Variants in AVEN observed in about 807,000 individuals in gnomAD.
AVEN encodes apoptosis and caspase activation inhibitor.
AVEN carries 41 observed loss-of-function variants against 38.1 expected under a neutral mutation model. That is an observed-to-expected ratio of 1.08 (90% CI 0.84 to 1.40). AVEN has a LOEUF of 1.40. Ranked by LOEUF, AVEN falls within the 40% of genes most tolerant of loss-of-function variation. The probability of loss-of-function intolerance (pLI) is 0.00; values close to 1 mark genes in which losing one functional copy is unlikely to be tolerated. For synonymous variants in AVEN, 206 were observed against 171.8 expected (o/e 1.20, Z -1.56); for missense variants, 605 against 438.8 (o/e 1.38, Z -3.38).
intron 4 of AVEN, among the ~76,000 whole-genome samples, chr15:33,869,399 C>T (rs1252963107): frequency 6.6e-6 from 1 of 152,176 alleles, no homozygotes; most frequent in Non-Finnish European, 1.5e-5. Flanking sequence ...ACACTCACAA[C>T]CACTTCCTCT....
Position 33,867,812 on chromosome 15 carries a change from G to T in AVEN, c.656C>A (p.Thr219Asn). Residue 219 changes from threonine (T) to asparagine (N), a missense_variant, in exon 5 of 6, where the codon ACT becomes AAT. Transcript: ENST00000306730. ...CATCCCTAATCCCTTGCCATCATCAGTTCTCTTTGGTTTCACCTGAGGAAC... is the reference window on the plus strand; with the variant it reads ...CATCCCTAATCCCTTGCCATCATCATTTCTCTTTGGTTTCACCTGAGGAAC... Reference protein sequence around the residue: ...LEVPQVKPKRTDDGKGLGMQL... With the variant: ...LEVPQVKPKRNDDGKGLGMQL... The T allele has an allele frequency of 6.2e-7, 1 of 1,606,804 alleles. No individual in the cohort carries two copies. Among genetic ancestry groups the T allele is most frequent in the East Asian group, 2.2e-5 (1 of 44,844 alleles).
chr15:33,862,620 G>C (rs981445614), downstream of AVEN, among the ~76,000 whole-genome samples: 6 of 152,030 alleles, frequency 3.9e-5, no homozygotes, highest in African/African-American at 1.4e-4. Context: ...CATGAGTTTT[G>C]TTTTTTTATT....
chr15:34,069,571 T>C (rs184099098), intron 2 of AVEN, among the ~76,000 whole-genome samples: 2 of 152,378 alleles, frequency 1.3e-5, no homozygotes, highest in African/African-American at 2.4e-5. Context: ...ATGTTCTCAA[T>C]GCATCACATC....
chr15:33,959,667 TG>T (rs1439098605), intron 2 of AVEN, among the ~76,000 whole-genome samples: 1 of 152,106 alleles, frequency 6.6e-6, no homozygotes, highest in Non-Finnish European at 1.5e-5. Context: ...CCAGGTGAAC[TG>T]GAATGAGAAC....
At chr15:33,990,157 T>C (rs547996994) in intron 2 of AVEN, among the ~76,000 whole-genome samples, 1 of 151,612 alleles carries the variant, frequency 6.6e-6, no homozygotes, top group South Asian at 2.1e-4. Flanking sequence ...TGAGCCGAGA[T>C]TGCATCGTTG....
chr15:34,062,362 C>T (rs1298286146), intron 5 of AVEN, among the ~76,000 whole-genome samples: 4 of 151,752 alleles, frequency 2.6e-5, no homozygotes, highest in Admixed American at 1.3e-4. Flanking sequence ...GAGACCATCC[C>T]GCCTAACACA....
chr15:34,045,501 G>A (rs1162621010), intron 5 of AVEN, among the ~76,000 whole-genome samples: 1 of 152,150 alleles, frequency 6.6e-6, no homozygotes, highest in African/African-American at 2.4e-5. Context: ...GGTACCCCAT[G>A]TGCTTTAAGC....
At chr15:33,864,418 G>A (rs1368811591), downstream of AVEN, among the ~76,000 whole-genome samples, 3 of 151,206 alleles carry the variant, frequency 2.0e-5, no homozygotes, top group African/African-American at 7.3e-5. Flanking sequence ...GACTAGAAGA[G>A]CTGGAGGTGG....
intron 1 of AVEN, among the ~76,000 whole-genome samples, chr15:34,013,835 G>A (rs565471128): frequency 8.1e-4 from 124 of 152,234 alleles, no homozygotes; most frequent in African/African-American, 2.9e-3. Context: ...GAGTATGTAC[G>A]AGGACCCATG....
At chr15:33,859,099 A>G (rs2080057373) in intron 11 of AVEN, 1 of 154,762 alleles carries the variant, frequency 6.5e-6, no homozygotes, top group African/African-American at 2.4e-5. Flanking sequence ...TCAAACCTGC[A>G]GAACAGGAGG....
chr15:33,854,960 G>A, downstream of AVEN: 4 of 1,522,768 alleles, frequency 2.6e-6, no homozygotes, highest in Non-Finnish European at 2.6e-6. Context: ...ATATGCACAG[G>A]AAAAAAAGAA....
chr15:33,899,554 C>T (rs997654591), intron 2 of AVEN, among the ~76,000 whole-genome samples: 3 of 148,562 alleles, frequency 2.0e-5, no homozygotes, highest in African/African-American at 7.4e-5. Flanking sequence ...ACCGCAACCT[C>T]CGCCTCCCGG....
intron 2 of AVEN, among the ~76,000 whole-genome samples, chr15:33,904,837 T>C (rs900147503): frequency 3.9e-5 from 6 of 152,052 alleles, no homozygotes; most frequent in Non-Finnish European, 7.4e-5. Flanking sequence ...TGTTAAAAGA[T>C]AACTACTTTT....
intron 1 of AVEN, among the ~76,000 whole-genome samples, chr15:34,033,466 A>G (rs1898959059): frequency 6.6e-6 from 1 of 151,882 alleles, no homozygotes; most frequent in South Asian, 2.1e-4. Flanking sequence ...AGATCGTGCC[A>G]CTGCACTCCA....
chr15:34,017,015 A>ATCCCCGT (rs200358414), intron 1 of AVEN, among the ~76,000 whole-genome samples: 28 of 151,710 alleles, frequency 1.8e-4, no homozygotes, highest in Admixed American at 5.2e-4. Flanking sequence ...CCTGTAGTCC[A>ATCCCCGT]AGCTACTCAG....
At chr15:33,904,714 T>TAC (rs201939919) in intron 2 of AVEN, among the ~76,000 whole-genome samples, 2 of 142,664 alleles carry the variant, frequency 1.4e-5, no homozygotes, top group African/African-American at 5.3e-5. Context: ...TATATATATA[T>TAC]ATACACACAC....
chr15:33,863,692 TTAAATACTTTCTAACTTTTCCATGACAGA>T (rs754426389), downstream of AVEN, among the ~76,000 whole-genome samples: 10 of 152,324 alleles, frequency 6.6e-5, no homozygotes, highest in Non-Finnish European at 1.3e-4. Context: ...CTCCATGAGA[TTAAATACTTTCTAACTTTTCCATGACAGA>T]TATTCTTGAG....
At chr15:34,013,172 AT>A (rs1395109335) in intron 1 of AVEN, among the ~76,000 whole-genome samples, 2 of 151,738 alleles carry the variant, frequency 1.3e-5, no homozygotes, top group African/African-American at 2.4e-5. Context: ...AGCGATTCTC[AT>A]GTCTCAGCCT....
chr15:34,050,534 C>G (rs892456060), intron 5 of AVEN, among the ~76,000 whole-genome samples: 5 of 152,058 alleles, frequency 3.3e-5, no homozygotes, highest in African/African-American at 1.2e-4. Context: ...GCTAAATGCC[C>G]CAATTAAAAG....
Sources: allele counts gnomAD v4.1 joint callset (sites outside exome capture counted in the v4.1 genomes callset), GRCh38; gene constraint gnomAD v4.1.1; transcripts MANE v1.5; gene names NCBI Gene and HGNC (gene_info 2026-07-23, HGNC 2026-07-21).